The following PLXNA4 variants were observed in gnomAD, a reference collection of about 807,000 sequenced individuals.
The protein encoded by PLXNA4 is plexin A4.
Under a neutral mutation model 191.8 loss-of-function variants are expected in PLXNA4, and 44 were observed. The observed-to-expected ratio is 0.23, with a 90% CI of 0.18 to 0.29. The LOEUF is 0.29. Among genes scored for constraint, PLXNA4 ranks in the 10% least tolerant of loss-of-function variants. PLXNA4 has a pLI of 1.00. For missense variants in PLXNA4, 1,800 were observed against 2,488.8 expected (o/e 0.72, Z 5.89); for synonymous variants, 1,082 against 1,009.5 (o/e 1.07, Z -1.36).
chr7:132,180,794 T>C, intron 18 of PLXNA4, 62 bp from the exon 19 acceptor site: 3 of 1,576,058 alleles, frequency 1.9e-6, no homozygotes, highest in Non-Finnish European at 2.6e-6. Context: ...ACCAGCTGGC[T>C]CTCATGTCCT....
intron 2 of PLXNA4, among the ~76,000 whole-genome samples, chr7:132,506,941 C>T (rs1039373454): frequency 6.6e-6 from 1 of 152,220 alleles, no homozygotes; most frequent in Non-Finnish European, 1.5e-5. Context: ...GTGTTCACTG[C>T]ACTCTTACCT....
intron 3 of PLXNA4, among the ~76,000 whole-genome samples, chr7:132,326,462 G>A (rs939338688): frequency 2.0e-5 from 3 of 152,050 alleles, no homozygotes; most frequent in South Asian, 2.1e-4. Flanking sequence ...TGGTGCTCCC[G>A]TGGCCTGCAT....
intron 3 of PLXNA4, among the ~76,000 whole-genome samples, chr7:132,446,491 G>T (rs552827108): frequency 2.0e-5 from 3 of 152,150 alleles, no homozygotes; most frequent in Non-Finnish European, 4.4e-5. Context: ...ACCTGGTAAA[G>T]GTTTTCAAAT....
At chr7:132,292,824 G>A (rs1020128183) in intron 4 of PLXNA4, among the ~76,000 whole-genome samples, 4 of 152,206 alleles carry the variant, frequency 2.6e-5, no homozygotes, top group Admixed American at 1.3e-4. Flanking sequence ...AGATTCCAGG[G>A]TGAGGGATAT....
At chr7:132,611,600 C>G (rs957024728) in intron 2 of PLXNA4, among the ~76,000 whole-genome samples, 3 of 152,210 alleles carry the variant, frequency 2.0e-5, no homozygotes, top group African/African-American at 7.2e-5. Flanking sequence ...ATTAAACAAC[C>G]TGGGGCATGA....
intron 4 of PLXNA4, among the ~76,000 whole-genome samples, chr7:132,295,365 G>A (rs1449243341): frequency 6.6e-6 from 1 of 152,164 alleles, no homozygotes; most frequent in Non-Finnish European, 1.5e-5. Flanking sequence ...TGACAGCCGA[G>A]CTAAGTTTTG....
intron 3 of PLXNA4, among the ~76,000 whole-genome samples, chr7:132,486,193 C>T (rs1563127162): frequency 6.6e-6 from 1 of 152,202 alleles, no homozygotes; most frequent in East Asian, 1.9e-4. Flanking sequence ...TTCTCACGCC[C>T]TGGCCTCAGT....
intron 4 of PLXNA4, among the ~76,000 whole-genome samples, chr7:132,251,044 T>C (rs1460764551): frequency 1.6e-5 from 2 of 128,814 alleles, no homozygotes; most frequent in African/African-American, 3.1e-5. Context: ...GCTGCTCCTG[T>C]TCCAGCCTTT....
intron 4 of PLXNA4, among the ~76,000 whole-genome samples, chr7:132,290,092 G>C (rs1007683227): frequency 6.6e-6 from 1 of 152,182 alleles, no homozygotes; most frequent in African/African-American, 2.4e-5. Flanking sequence ...GCAAGGACTT[G>C]AGCACCGGCA....
chr7:132,443,017 C>A (rs537821904), intron 3 of PLXNA4, among the ~76,000 whole-genome samples: 3 of 152,282 alleles, frequency 2.0e-5, no homozygotes, highest in East Asian at 3.9e-4. Context: ...CATCTGAACA[C>A]CCCTCCTGCT....
chr7:132,293,831 G>C (rs1192609720), intron 4 of PLXNA4, among the ~76,000 whole-genome samples: 1 of 152,182 alleles, frequency 6.6e-6, no homozygotes, highest in African/African-American at 2.4e-5. Flanking sequence ...GAATACAGGT[G>C]CTAGTATGTT....
chr7:132,462,370 A>C (rs1386898184), intron 3 of PLXNA4, among the ~76,000 whole-genome samples: 1 of 152,212 alleles, frequency 6.6e-6, no homozygotes, highest in Non-Finnish European at 1.5e-5. Context: ...CAAAAAGAAA[A>C]CCAGGAAGCT....
At chr7:132,485,183 A>T (rs1797505161) in intron 3 of PLXNA4, among the ~76,000 whole-genome samples, 1 of 152,210 alleles carries the variant, frequency 6.6e-6, no homozygotes, top group East Asian at 1.9e-4. Context: ...GCTGGTATGG[A>T]TTAGTCTGTG....
At chr7:132,456,968 C>A (rs1796337231) in intron 3 of PLXNA4, among the ~76,000 whole-genome samples, 1 of 152,184 alleles carries the variant, frequency 6.6e-6, no homozygotes, top group Non-Finnish European at 1.5e-5. Flanking sequence ...ATTCTGCCAA[C>A]ACTGAACCCT....
intron 1 of PLXNA4, among the ~76,000 whole-genome samples, chr7:132,563,384 CTCCTCCTCT>C (rs1801452291): frequency 9.3e-6 from 1 of 107,654 alleles, no homozygotes; most frequent in Non-Finnish European, 1.9e-5. Flanking sequence ...CCTTCTCCTC[CTCCTCCTCT>C]TTCTCCTCCT....
chr7:132,393,667 G>A (rs992787437), intron 3 of PLXNA4, among the ~76,000 whole-genome samples: 1 of 152,222 alleles, frequency 6.6e-6, no homozygotes, highest in Non-Finnish European at 1.5e-5. Context: ...CCTAGGCTAG[G>A]AGGAGAGACA....
chr7:132,617,437 A>G (rs942781987), intron 2 of PLXNA4, among the ~76,000 whole-genome samples: 2 of 152,232 alleles, frequency 1.3e-5, no homozygotes, highest in Admixed American at 6.5e-5. Context: ...GCTTCAAGCC[A>G]GAGAGTGAAA....
In PLXNA4 at chr7:132,614,423, C is replaced by T. The variant is rs551831486; in HGVS notation, c.-87+31505G>A. Among the ~76,000 whole-genome samples the T allele has an allele frequency of 5.2e-4, 79 of 152,310 alleles. No homozygotes were observed. In the South Asian group the frequency reaches 0.016, roughly 30 times the overall value. On this transcript the variant is annotated intron_variant, in intron 2 of 4. Coordinates refer to the PLXNA4 transcript ENST00000378539. ...GCGGGAGTGGGTTTAAGCAGGCCCA[C>T]CCTGAAAGATAGCAGGATGCAGCAG...
chr7:132,303,407 A>G (rs947683351), intron 3 of PLXNA4, among the ~76,000 whole-genome samples: 1 of 151,754 alleles, frequency 6.6e-6, no homozygotes, highest in Admixed American at 6.6e-5. Context: ...TGTCTCTACT[A>G]AAAACACAAA....
Sources: allele counts gnomAD v4.1 joint callset (sites outside exome capture counted in the v4.1 genomes callset), GRCh38; gene constraint gnomAD v4.1.1; transcripts MANE v1.5; gene names NCBI Gene and HGNC (gene_info 2026-07-23, HGNC 2026-07-21).